The following STEAP3 variants were observed in gnomAD, a reference collection of about 807,000 sequenced individuals.
STEAP3 encodes metalloreductase STEAP3.
Under a neutral mutation model 34.9 loss-of-function variants are expected in STEAP3, and 35 were observed. That is an observed-to-expected ratio of 1.00 (90% CI 0.76 to 1.33). The LOEUF (loss-of-function observed/expected upper bound fraction) is 1.33. Ranked by LOEUF, STEAP3 falls within the 40% of genes most tolerant of loss-of-function variation. STEAP3 has a pLI of 0.00. For missense variants in STEAP3, 652 were observed against 667.6 expected, an observed-to-expected ratio of 0.98 and a Z score of 0.26; for synonymous variants, 281 against 301.6, an observed-to-expected ratio of 0.93 and a Z score of 0.71.
chr2:119,224,385 G>T (rs1042073492), intron 1 of STEAP3, among the ~76,000 whole-genome samples: 5 of 152,226 alleles, frequency 3.3e-5, no homozygotes, highest in Non-Finnish European at 5.9e-5. Flanking sequence ...GGGCAGGGGC[G>T]CCCGACCTTG....
At position 119,230,757 on chromosome 2, in the gene STEAP3, C is replaced by G; in HGVS notation, c.-256C>G. The G allele has an allele frequency of 1.7e-6, 1 of 583,258 alleles. No homozygotes were observed. 36.1% of individuals were successfully genotyped at this position (583,258 alleles called of 1,614,324 possible). ...CCGAGCAGGAAGCAGCAGGCCAGAG[C>G]TGCGCTCTCTCAGTGCACTCTCCAA... On this transcript the variant is annotated 5_prime_UTR_variant, in exon 2 of 6. Transcript: ENST00000393110.
At position 119,246,520 on chromosome 2, in the gene STEAP3, G is replaced by T. The variant is rs150757400; in HGVS notation, c.522+532G>T. The T allele has an allele frequency of 8.5e-3, 1,329 of 155,754 alleles. 20 individuals carry two copies. The highest frequency in any genetic ancestry group is 0.011 in the Non-Finnish European group (758 of 70,048). The allele number at this position is 155,754 out of a possible 1,614,324, so 9.6% of individuals were successfully genotyped here. On this transcript the variant is annotated intron_variant, in intron 3 of 5. Coordinates refer to ENST00000393110, the MANE Select transcript of STEAP3 (RefSeq NM_182915.3). ...CTGCATACGTTTCTTGCCACGAGGAGCTCTTACCAAGACAAGGTGGTTTTT... is the reference window on the plus strand; with the variant it reads ...CTGCATACGTTTCTTGCCACGAGGATCTCTTACCAAGACAAGGTGGTTTTT...
At chr2:119,226,673 G>A (rs772021842) in intron 1 of STEAP3, among the ~76,000 whole-genome samples, 4 of 152,062 alleles carry the variant, frequency 2.6e-5, no homozygotes, top group Non-Finnish European at 5.9e-5. Context: ...CCACCCACCT[G>A]TCCAACACAG....
intron 4 of STEAP3, among the ~76,000 whole-genome samples, chr2:119,250,143 T>C (rs1467217410): frequency 6.6e-6 from 1 of 152,240 alleles, no homozygotes; most frequent in African/African-American, 2.4e-5. Context: ...CACGCTGCTT[T>C]CTACAGGCAA....
chr2:119,228,982 G>A (rs1366943794), intron 1 of STEAP3, among the ~76,000 whole-genome samples: 1 of 152,134 alleles, frequency 6.6e-6, no homozygotes, highest in Non-Finnish European at 1.5e-5. Flanking sequence ...TCACAGTGCA[G>A]CTTCTCCAAA....
rs530068032 is a variant in STEAP3, at chr2:119,236,586, T to A, written c.22+5552T>A. 2.6e-5 allele frequency among the ~76,000 whole-genome samples: 4 copies of A among 152,280 alleles called. No individual in the cohort carries two copies. The South Asian group carries it at 6.2e-4, about 24-fold the overall frequency. On this transcript the variant is annotated intron_variant, in intron 2 of 5. Transcript: ENST00000393110. ...ACCAATTGTGGCTTCAGCTGTGTTA[T>A]TTAGAGAATCCCAGGGGCTGAAATG...
At chr2:119,261,491 C>G (rs1165251326) in intron 5 of STEAP3, among the ~76,000 whole-genome samples, 2 of 151,976 alleles carry the variant, frequency 1.3e-5, no homozygotes, top group African/African-American at 4.8e-5. Flanking sequence ...CCAGTGCTAG[C>G]AGAATTCAGT....
chr2:119,246,084 T>C (rs1436681505), intron 3 of STEAP3, 96 bp downstream of exon 3: 1 of 1,444,730 alleles, frequency 6.9e-7, no homozygotes, highest in Non-Finnish European at 9.3e-7. Context: ...TATGTTATCA[T>C]AACTAATCCT....
intron 1 of STEAP3, among the ~76,000 whole-genome samples, chr2:119,226,706 T>C (rs564444697): frequency 2.6e-5 from 4 of 152,224 alleles, no homozygotes; most frequent in African/African-American, 7.2e-5. Context: ...CCCGGGCCTC[T>C]TTGTGCTCCA....
intron 2 of STEAP3, among the ~76,000 whole-genome samples, chr2:119,240,607 C>T (rs1677219549): frequency 6.6e-6 from 1 of 152,228 alleles, no homozygotes; most frequent in African/African-American, 2.4e-5. Flanking sequence ...CCAGGCGTGG[C>T]TCCCAGCCAT....
In STEAP3 at chr2:119,248,206, G is replaced by A. The variant is rs767736810; in HGVS notation, c.1050G>A (p.Gln350=). ...ACCTGGTCAACCTGGCAGTCAAGCAGGTACCCACCCCATGCCCTTCCTCCC... is the reference window on the plus strand; with the variant it reads ...ACCTGGTCAACCTGGCAGTCAAGCAAGTACCCACCCCATGCCCTTCCTCCC... The part of the protein sequence containing the change: ...RYDLVNLAVK[Q]VLANKSHLWV... The change falls in exon 4 of 6, where the codon CAG becomes CAA. Residue 350 remains glutamine, a splice_region_variant and synonymous_variant. Coordinates refer to ENST00000393110, the MANE Select transcript of STEAP3 (RefSeq NM_182915.3). 3.8e-6 allele frequency: 6 copies of A among 1,577,672 alleles called. No individual in the cohort carries two copies. Among genetic ancestry groups the A allele is most frequent in the Non-Finnish European group, 5.2e-6 (6 of 1,160,326 alleles).
intron 2 of STEAP3, among the ~76,000 whole-genome samples, chr2:119,243,595 A>G (rs1677315829): frequency 6.6e-6 from 1 of 152,222 alleles, no homozygotes; most frequent in Non-Finnish European, 1.5e-5. Flanking sequence ...GACAGCAGCA[A>G]TGGGTGTATG....
At chr2:119,253,681 G>A (rs1308667221) in intron 4 of STEAP3, among the ~76,000 whole-genome samples, 2 of 152,206 alleles carry the variant, frequency 1.3e-5, no homozygotes, top group African/African-American at 2.4e-5. Context: ...GTTGCACCTT[G>A]ATAAAAGTTC....
At chr2:119,224,207 A>C (rs1678963227) in intron 1 of STEAP3, among the ~76,000 whole-genome samples, 1 of 151,936 alleles carries the variant, frequency 6.6e-6, no homozygotes, top group Non-Finnish European at 1.5e-5. Flanking sequence ...CCTCCGGATG[A>C]CCCCGGCTGA....
intron 4 of STEAP3, among the ~76,000 whole-genome samples, chr2:119,252,098 G>A (rs1035643107): frequency 2.6e-5 from 4 of 152,198 alleles, no homozygotes; most frequent in African/African-American, 7.2e-5. Context: ...GGCATCTTAA[G>A]AGGAGTGCAC....
chr2:119,235,305 C>G (rs1455560103), intron 2 of STEAP3, among the ~76,000 whole-genome samples: 3 of 152,240 alleles, frequency 2.0e-5, no homozygotes, highest in African/African-American at 7.2e-5. Context: ...GCATGTGACC[C>G]TCAAGATCTA....
intron 4 of STEAP3, chr2:119,248,819 T>G (rs1677533387): frequency 6.6e-6 from 1 of 152,392 alleles, no homozygotes. Flanking sequence ...TTGATCGGCC[T>G]GACATTTTAA....
chr2:119,230,797 C>T lies in STEAP3; in HGVS notation c.-216C>T. 1 of 630,160 alleles carries T rather than the reference C, an allele frequency of 1.6e-6. No individual in the cohort carries two copies. Among genetic ancestry groups the T allele is most frequent in the Non-Finnish European group, 2.9e-6 (1 of 349,520 alleles). The allele number at this position is 630,160 out of a possible 1,614,324, so 39.0% of individuals were successfully genotyped here. On this transcript the variant is annotated 5_prime_UTR_variant, in exon 2 of 6. Coordinates refer to ENST00000393110, the MANE Select transcript of STEAP3 (RefSeq NM_182915.3). ...GCACTCTCCAACCAAGCATCAGTCA[C>T]CACTCCCGGTCCAGCCCCTGTGGCC...
chr2:119,255,505 G>A (rs1163756428), intron 5 of STEAP3, among the ~76,000 whole-genome samples: 2 of 152,080 alleles, frequency 1.3e-5, no homozygotes, highest in Non-Finnish European at 2.9e-5. Flanking sequence ...TCAAAGATTC[G>A]AATAACATCT....
Sources: gnomAD v4.1 joint callset for allele counts (sites outside exome capture counted in the v4.1 genomes callset) on GRCh38, gnomAD v4.1.1 for gene constraint, MANE v1.5 for transcripts, NCBI Gene and HGNC (gene_info 2026-07-23, HGNC 2026-07-21) for gene names.